NOTCH2: variants seen among roughly 807,000 people sequenced by gnomAD.
NOTCH2 encodes notch receptor 2.
Under a neutral mutation model 235.8 loss-of-function variants are expected in NOTCH2, and 29 were observed. The observed-to-expected ratio is 0.12, with a 90% CI of 0.09 to 0.17. The LOEUF (loss-of-function observed/expected upper bound fraction) is 0.17. Ranked by LOEUF, NOTCH2 falls within the 10% of genes least tolerant of loss-of-function variation. The pLI, the probability that NOTCH2 is intolerant of heterozygous loss-of-function variation, is 1.00. For missense variants in NOTCH2, 2,285 were observed against 3,150.2 expected, an observed-to-expected ratio of 0.73 and a Z score of 6.57; for synonymous variants, 1,086 against 1,141.5, an observed-to-expected ratio of 0.95 and a Z score of 0.98.
intron 2 of NOTCH2, among the ~76,000 whole-genome samples, chr1:120,025,924 A>G (rs1180106910): frequency 1.5e-5 from 2 of 131,886 alleles, no homozygotes; most frequent in Non-Finnish European, 3.1e-5. Flanking sequence ...ATTTAATTAC[A>G]TATTTACACC....
In NOTCH2 at chr1:119,911,676, G is replaced by C. The variant is rs1571142487; in HGVS notation, c.*3630C>G. 2 of 232,930 alleles carry C rather than the reference G, an allele frequency of 8.6e-6. No individual in the cohort carries two copies. The highest frequency in any genetic ancestry group is 1.2e-4 in the East Asian group (2 of 16,494). 14.4% of individuals were successfully genotyped at this position (232,930 alleles called of 1,614,324 possible). A position where few individuals can be genotyped will look rare whatever the true frequency, so the allele number is the denominator to read the frequency against. On this transcript the variant is annotated 3_prime_UTR_variant, in exon 34 of 34. Transcript: ENST00000256646. ...AAGTTCTACACAAATTTCACTTAAG[G>C]AATGTTACAAACCAATCATTTACAT...
intron 5 of NOTCH2, among the ~76,000 whole-genome samples, chr1:119,972,198 T>C (rs1433433648): frequency 6.6e-6 from 1 of 151,150 alleles, no homozygotes; most frequent in East Asian, 1.9e-4. Flanking sequence ...AGGGAGGGAG[T>C]GAGCTCACCG....
chr1:119,916,001 A>T lies in NOTCH2; in HGVS notation c.6721T>A (p.Leu2241Met), dbSNP rs1649054019. 6.2e-7 allele frequency: 1 copy of T among 1,613,870 alleles called. No homozygotes were observed. Among genetic ancestry groups the T allele is most frequent in the Non-Finnish European group, 8.5e-7 (1 of 1,180,024 alleles). ...ACTGGGACTGGATGGAGCCTACTCA[A>T]GCTTCCAGCACTGCCACTGCCTGGA... ...VSPGSGSAGS[L>M]SRLHPVPVPA... Residue 2241 changes from leucine to methionine, a missense_variant, in exon 34 of 34, where the codon TTG becomes ATG. Leu to Met is a conservative substitution (Grantham distance 15). Coordinates refer to ENST00000256646, the MANE Select transcript of NOTCH2 (RefSeq NM_024408.4).
intron 19 of NOTCH2, among the ~76,000 whole-genome samples, chr1:119,939,872 CAAGTT>C (rs200361863): frequency 0.051 from 7,736 of 152,252 alleles, 309 homozygotes; most frequent in South Asian, 0.11. Context: ...CCCTGTAAGT[CAAGTT>C]AAGTTTGGCC....
intron 1 of NOTCH2, among the ~76,000 whole-genome samples, chr1:120,058,187 A>AAAAAAATCTGATGTTT (rs1655186220): frequency 6.6e-6 from 1 of 152,162 alleles, no homozygotes; most frequent in Admixed American, 6.5e-5. Context: ...CAAAAAAGAA[A>AAAAAAATCTGATGTTT]AAAAAATCTG....
intron 17 of NOTCH2, among the ~76,000 whole-genome samples, chr1:119,944,828 CAGAA>C (rs1282983115): frequency 2.0e-5 from 3 of 152,024 alleles, no homozygotes; most frequent in Non-Finnish European, 4.4e-5. Flanking sequence ...CACACAAAAA[CAGAA>C]AGACTTCATC....
intron 14 of NOTCH2, among the ~76,000 whole-genome samples, chr1:119,952,162 G>A (rs1650500514): frequency 6.6e-6 from 1 of 152,168 alleles, no homozygotes; most frequent in Non-Finnish European, 1.5e-5. Context: ...GAAAACTGAT[G>A]GTAGAAATAT....
intron 14 of NOTCH2, among the ~76,000 whole-genome samples, chr1:119,953,185 C>A (rs968879025): frequency 1.3e-5 from 2 of 152,102 alleles, no homozygotes; most frequent in Non-Finnish European, 2.9e-5. Context: ...GTGGCATATG[C>A]CTGTAATCCC....
Position 119,915,194 on chromosome 1 carries a change from C to CAGAAA in NOTCH2, c.*111_*112insTTTCT. The stretch of plus-strand genomic sequence containing the variant: ...AATAAGAACATCTTCTCTTTCCTAC[C>CAGAAA]TCTAGAAGCTGGCTCCAGAGATTTC... On this transcript the variant is annotated 3_prime_UTR_variant, in exon 34 of 34. Coordinates refer to ENST00000256646, the MANE Select transcript of NOTCH2 (RefSeq NM_024408.4). 8.9e-7 allele frequency: 1 copy of CAGAAA among 1,127,980 alleles called. No individual in the cohort carries two copies. Among genetic ancestry groups the CAGAAA allele is most frequent in the Non-Finnish European group, 1.3e-6 (1 of 751,686 alleles). The allele number at this position is 1,127,980 out of a possible 1,614,324, so 69.9% of individuals were successfully genotyped here. A position where few individuals can be genotyped will look rare whatever the true frequency, so the allele number is the denominator to read the frequency against.
At chr1:120,005,106 G>A in intron 3 of NOTCH2, 1 of 740,622 alleles carries the variant, frequency 1.4e-6, no homozygotes, top group East Asian at 2.7e-5. Flanking sequence ...TATACTTTAA[G>A]CAGTCAAAGT....
intron 2 of NOTCH2, among the ~76,000 whole-genome samples, chr1:120,029,281 TA>T (rs1553210585): frequency 6.6e-6 from 1 of 151,594 alleles, no homozygotes; most frequent in Admixed American, 6.6e-5. Flanking sequence ...GGTAACATGT[TA>T]AGGGGAGACT....
At chr1:119,924,083 T>C in intron 25 of NOTCH2, 99 bp from the exon 26 acceptor site, 1 of 1,063,130 alleles carries the variant, frequency 9.4e-7, no homozygotes, top group Middle Eastern at 2.0e-4. Flanking sequence ...TCCTACCCAT[T>C]TTCTGTGGCC....
intron 6 of NOTCH2, 124 bp downstream of exon 6, chr1:119,969,387 C>A: frequency 1.2e-6 from 1 of 840,042 alleles, no homozygotes; most frequent in Non-Finnish European, 2.0e-6. Flanking sequence ...CTGGAACAGT[C>A]CTGAGTGATA....
At chr1:119,921,319 T>C (rs992631095) in intron 29 of NOTCH2, among the ~76,000 whole-genome samples, 2 of 152,194 alleles carry the variant, frequency 1.3e-5, no homozygotes, top group South Asian at 2.1e-4. Context: ...ATTTTGCCAA[T>C]GTCAATGATA....
Position 119,925,762 on chromosome 1 carries a change from T to C in NOTCH2, c.4054A>G (p.Arg1352Gly), listed in dbSNP as rs768085919. The C allele has an allele frequency of 6.2e-7, 1 of 1,614,152 alleles. No individual in the cohort carries two copies. The highest frequency in any genetic ancestry group is 1.1e-5 in the South Asian group (1 of 91,078). ...CQSSCGQVKC[R>G]KGEQCVHTAS... is the part of the protein sequence containing the mutation. The stretch of plus-strand genomic sequence containing the variant: ...GTGTGCACACACTGCTCCCCCTTCC[T>C]ACATTTCACTTGTCCACAGCTGCTC... The change falls in exon 25 of 34, where the codon AGG becomes GGG. Residue 1352 changes from arginine to glycine, a missense_variant. Transcript: ENST00000256646.
intron 1 of NOTCH2, among the ~76,000 whole-genome samples, chr1:120,055,925 AG>A (rs1411514227): frequency 6.9e-6 from 1 of 144,232 alleles, no homozygotes; most frequent in African/African-American, 2.6e-5. Flanking sequence ...AGAGGTTCAC[AG>A]GCAAATTATT....
At chr1:119,939,519 C>T (rs1649990711) in intron 19 of NOTCH2, among the ~76,000 whole-genome samples, 1 of 152,156 alleles carries the variant, frequency 6.6e-6, no homozygotes, top group African/African-American at 2.4e-5. Context: ...GGACTTAATG[C>T]CTGTTAATAA....
chr1:119,949,335 AT>A (rs1553197444), intron 15 of NOTCH2, among the ~76,000 whole-genome samples: 1 of 145,528 alleles, frequency 6.9e-6, no homozygotes. Context: ...TACAACTGTG[AT>A]TTTATGAACT....
intron 2 of NOTCH2, among the ~76,000 whole-genome samples, chr1:120,011,396 A>G (rs1376650841): frequency 3.9e-5 from 6 of 152,192 alleles, no homozygotes; most frequent in Non-Finnish European, 8.8e-5. Context: ...GAATCTGAAG[A>G]CAGTTATGTG....
Sources: allele counts gnomAD v4.1 joint callset (sites outside exome capture counted in the v4.1 genomes callset), GRCh38; gene constraint gnomAD v4.1.1; transcripts MANE v1.5; gene names NCBI Gene and HGNC (gene_info 2026-07-23, HGNC 2026-07-21).